Variants in ADAMTS20 observed in about 807,000 individuals in gnomAD.
The protein encoded by ADAMTS20 is ADAM metallopeptidase with thrombospondin type 1 motif 20.
Under a neutral mutation model 260.1 loss-of-function variants are expected in ADAMTS20, and 225 were observed. The ratio of observed to expected loss-of-function variants is 0.87; its 90% CI spans 0.78 to 0.97. ADAMTS20 has a LOEUF of 0.97. ADAMTS20 is among the 50% of genes least tolerant of loss of function. ADAMTS20 has a pLI of 0.00. For synonymous variants in ADAMTS20, 802 were observed against 769.5 expected, an observed-to-expected ratio of 1.04 and a Z score of -0.70; for missense variants, 2,400 against 2,337.7, an observed-to-expected ratio of 1.03 and a Z score of -0.55.
intron 37 of ADAMTS20, among the ~76,000 whole-genome samples, chr12:43,365,128 A>C (rs1592027149): frequency 6.6e-6 from 1 of 152,064 alleles, no homozygotes. Context: ...AAAATAAAAA[A>C]CTGTACATCA....
At position 43,551,039 on chromosome 12, in the gene ADAMTS20, T is replaced by A; in HGVS notation, c.323A>T (p.His108Leu). ...GGCCCCGCGCTCCGGGGTTCCCAAG[T>A]GCACCTCGGTGTAGCCGGCGGCCAG... is the stretch of plus-strand genomic sequence containing the variant. ...SFLAAGYTEV[H>L]LGTPERGAWE... Residue 108 changes from histidine to leucine, a missense_variant, in exon 2 of 39, where the codon CAC becomes CTC. Physicochemically the swap from His to Leu is moderately conservative, Grantham distance 99. Transcript: ENST00000389420. The surrounding 1 kb of genome is among the most constrained non-coding windows in gnomAD (Gnocchi z 4.6). 6.2e-7 allele frequency: 1 copy of A among 1,613,516 alleles called. No individual in the cohort carries two copies. Among genetic ancestry groups the A allele is most frequent in the Non-Finnish European group, 8.5e-7 (1 of 1,179,714 alleles).
intron 7 of ADAMTS20, among the ~76,000 whole-genome samples, chr12:43,486,784 A>C (rs757299779): frequency 7.9e-5 from 12 of 152,212 alleles, no homozygotes; most frequent in Non-Finnish European, 1.6e-4. Context: ...GACATTTCTC[A>C]AAGGAGATGT....
intron 3 of ADAMTS20, among the ~76,000 whole-genome samples, chr12:43,515,110 G>C (rs538394361): frequency 1.3e-5 from 2 of 152,258 alleles, no homozygotes; most frequent in Admixed American, 6.5e-5. Flanking sequence ...TTGTTTCTGA[G>C]CTAGATCAAC....
At chr12:43,397,833 A>G (rs1212291989) in intron 29 of ADAMTS20, among the ~76,000 whole-genome samples, 1 of 152,156 alleles carries the variant, frequency 6.6e-6, no homozygotes, top group East Asian at 1.9e-4. Flanking sequence ...CAGCACATTA[A>G]CACTTGACAG....
chr12:43,519,252 C>T (rs1376479199), intron 3 of ADAMTS20, among the ~76,000 whole-genome samples: 1 of 152,050 alleles, frequency 6.6e-6, no homozygotes, highest in Non-Finnish European at 1.5e-5. Flanking sequence ...TCATAATTTT[C>T]TATTAAAGAG....
At chr12:43,522,727 T>G (rs1215717996) in intron 3 of ADAMTS20, among the ~76,000 whole-genome samples, 3 of 152,038 alleles carry the variant, frequency 2.0e-5, no homozygotes, top group East Asian at 1.9e-4. Flanking sequence ...TTTGTGGGGG[T>G]TTTTGTTGGT....
intron 28 of ADAMTS20, among the ~76,000 whole-genome samples, chr12:43,413,156 T>C (rs1194185307): frequency 1.3e-5 from 2 of 152,152 alleles, no homozygotes; most frequent in Admixed American, 1.3e-4. Flanking sequence ...TCTTTTATTC[T>C]TACCTTCTCC....
chr12:43,529,937 T>C lies in ADAMTS20; in HGVS notation c.613+2099A>G, dbSNP rs1048537616. On this transcript the variant is annotated intron_variant, in intron 3 of 38. Coordinates refer to ENST00000389420, the MANE Select transcript of ADAMTS20 (RefSeq NM_025003.5). Reference sequence around the variant, plus strand: ...CTTTTACTAAAATATGAGTATTTGTTAGCTAATTTTTAGGTCATTAATTAA... The same window carrying C: ...CTTTTACTAAAATATGAGTATTTGTCAGCTAATTTTTAGGTCATTAATTAA... 9.9e-5 allele frequency among the ~76,000 whole-genome samples: 15 copies of C among 152,186 alleles called. No individual in the cohort carries two copies. In the East Asian group the frequency reaches 2.7e-3, roughly 27 times the overall value.
In ADAMTS20 at chr12:43,354,177, C is replaced by T. The variant is rs775140195; in HGVS notation, c.*32G>A. 12 of 1,457,996 alleles carry T rather than the reference C, an allele frequency of 8.2e-6. No individual in the cohort carries two copies. The African/African-American group carries it at 9.8e-5, about 12-fold the overall frequency. 90.3% of individuals were successfully genotyped at this position (1,457,996 alleles called of 1,614,324 possible). A position where few individuals can be genotyped will look rare whatever the true frequency, so the allele number is the denominator to read the frequency against. On this transcript the variant is annotated 3_prime_UTR_variant, in exon 39 of 39. Coordinates refer to ENST00000389420, the MANE Select transcript of ADAMTS20 (RefSeq NM_025003.5). ...ATTTGAATATTCCAGAGAATATCCC[C>T]TCTTTAGGGCATACTTCCCCCTTCT...
chr12:43,433,859 T>C (rs1941499170), intron 19 of ADAMTS20: 3 of 427,920 alleles, frequency 7.0e-6, no homozygotes, highest in Admixed American at 2.7e-5. Context: ...ATCAATCAAT[T>C]TGATTTCTCC....
intron 2 of ADAMTS20, among the ~76,000 whole-genome samples, chr12:43,539,781 A>T (rs558311339): frequency 3.9e-5 from 6 of 152,358 alleles, no homozygotes; most frequent in African/African-American, 1.4e-4. Flanking sequence ...ATATACTAAT[A>T]GACATAAGGC....
chr12:43,435,641 T>TAAAAAAAAAAAAAAAAAAAAAA (rs35112845), intron 18 of ADAMTS20, among the ~76,000 whole-genome samples: 1 of 84,670 alleles, frequency 1.2e-5, no homozygotes, highest in Non-Finnish European at 2.3e-5. Context: ...ACTCCATTTC[T>TAAAAAAAAAAAAAAAAAAAAAA]AAAAAAAAAA....
Position 43,376,350 on chromosome 12 carries a change from C to T in ADAMTS20, c.5126-20G>A, listed in dbSNP as rs756116669. The T allele has an allele frequency of 6.6e-7, 1 of 1,516,972 alleles. No homozygotes were observed. The highest frequency in any genetic ancestry group is 1.9e-4 in the Middle Eastern group (1 of 5,340). 94.0% of individuals were successfully genotyped at this position (1,516,972 alleles called of 1,614,324 possible). ...ATTTACCTTCAAAGACAAATTAACA[C>T]AACTTAACACAGAGCAAATTACAAA... On this transcript the variant is annotated intron_variant, in intron 33 of 38. Coordinates refer to ENST00000389420, the MANE Select transcript of ADAMTS20 (RefSeq NM_025003.5).
downstream of ADAMTS20, chr12:43,353,753 T>C (rs1361264357): frequency 6.6e-6 from 1 of 152,216 alleles, no homozygotes; most frequent in East Asian, 1.9e-4. Context: ...GTCGGAAAGA[T>C]TCAATAATGT....
chr12:43,377,522 G>A lies in ADAMTS20; in HGVS notation c.4838C>T (p.Thr1613Ile), dbSNP rs759460447. Residue 1613 changes from threonine to isoleucine, a missense_variant, in exon 32 of 39, where the codon ACA becomes ATA. Coordinates refer to ENST00000389420, the MANE Select transcript of ADAMTS20 (RefSeq NM_025003.5). Reference protein sequence around the residue: ...NCGFSYRQRITYCTEIPSTKK... With the variant: ...NCGFSYRQRIIYCTEIPSTKK... ...AGTAGATGGGATCTCGGTGCAATAT[G>A]TAATCCTTTGTCTGTAACTAAATCC... 1.2e-6 allele frequency: 2 copies of A among 1,613,432 alleles called. No individual in the cohort carries two copies. Among genetic ancestry groups the A allele is most frequent in the African/African-American group, 1.3e-5 (1 of 75,016 alleles).
chr12:43,467,868 GGTCAA>G (rs1269988893), intron 8 of ADAMTS20, among the ~76,000 whole-genome samples: 1 of 152,064 alleles, frequency 6.6e-6, no homozygotes, highest in Non-Finnish European at 1.5e-5. Flanking sequence ...AATTAAATGT[GGTCAA>G]ACTAACAGAG....
chr12:43,417,180 G>A (rs1473008), intron 28 of ADAMTS20, among the ~76,000 whole-genome samples: 106,104 of 151,976 alleles, frequency 0.7, 37,442 homozygotes, highest in East Asian at 1. Flanking sequence ...TGGCAGTGCA[G>A]TGGCCATGAT....
chr12:43,515,499 C>T lies in ADAMTS20; in HGVS notation c.614-13094G>A, dbSNP rs575561906. 7.2e-5 allele frequency among the ~76,000 whole-genome samples: 11 copies of T among 152,230 alleles called. No homozygotes were observed. In the South Asian group the frequency reaches 8.3e-4, roughly 11 times the overall value. On this transcript the variant is annotated intron_variant, in intron 3 of 38. Coordinates refer to ENST00000389420, the MANE Select transcript of ADAMTS20 (RefSeq NM_025003.5). ...ATTAATCTACATTTACTCCTCCTGG[C>T]TCTGTAATTTCTGAAAGAGCTTTTG...
intron 4 of ADAMTS20, among the ~76,000 whole-genome samples, chr12:43,498,503 T>C (rs1011559402): frequency 6.6e-6 from 1 of 152,212 alleles, no homozygotes; most frequent in Non-Finnish European, 1.5e-5. Flanking sequence ...ACCAAGCCTA[T>C]GTCACATTGT....
Sources: gnomAD v4.1 joint callset for allele counts (sites outside exome capture counted in the v4.1 genomes callset) on GRCh38, gnomAD v4.1.1 for gene constraint, Gnocchi (gnomAD v3.1) non-coding constraint, MANE v1.5 for transcripts, NCBI Gene and HGNC (gene_info 2026-07-23, HGNC 2026-07-21) for gene names.